DNAAF9: variants seen among roughly 807,000 people sequenced by gnomAD.
DNAAF9 encodes dynein axonemal assembly factor 9.
Under a neutral mutation model 167.0 loss-of-function variants are expected in DNAAF9, and 90 were observed. The ratio of observed to expected loss-of-function variants is 0.54; its 90% CI spans 0.45 to 0.64. The LOEUF is 0.64. DNAAF9 is among the 30% of genes least tolerant of loss of function. The pLI is 0.00. For synonymous variants in DNAAF9, 491 were observed against 508.8 expected, an observed-to-expected ratio of 0.96 and a Z score of 0.47; for missense variants, 1,315 against 1,442.2, an observed-to-expected ratio of 0.91 and a Z score of 1.43.
In DNAAF9 at chr20:3,326,794, G is replaced by A. The variant is rs952079161; in HGVS notation, c.1101-510C>T. 1.5e-4 allele frequency among the ~76,000 whole-genome samples: 23 copies of A among 150,418 alleles called. No homozygotes were observed. In the Admixed American group the frequency reaches 1.5e-3, roughly 10 times the overall value. The stretch of plus-strand genomic sequence containing the variant: ...ATATCCCTGGTTTGACTTATACTTT[G>A]CTTTTGTTAAATCACCTTAAGGAAA... On this transcript the variant is annotated intron_variant, in intron 12 of 36. Transcript: ENST00000252032.
At chr20:3,324,787 G>A (rs2069681097) in intron 14 of DNAAF9, 105 bp downstream of exon 14, 5 of 697,068 alleles carry the variant, frequency 7.2e-6, no homozygotes, top group Non-Finnish European at 1.3e-5. Flanking sequence ...TTATTTTACT[G>A]AAACATTTCT....
chr20:3,349,468 G>A (rs957004662), intron 7 of DNAAF9, among the ~76,000 whole-genome samples: 2 of 152,130 alleles, frequency 1.3e-5, no homozygotes, highest in Non-Finnish European at 2.9e-5. Flanking sequence ...GGCACCTAAA[G>A]GATGGTACCA....
intron 29 of DNAAF9, among the ~76,000 whole-genome samples, chr20:3,276,474 G>C (rs1375073485): frequency 6.6e-6 from 1 of 152,210 alleles, no homozygotes; most frequent in East Asian, 1.9e-4. Context: ...ACAATGAGTT[G>C]GAAGGCAGTA....
At chr20:3,370,654 C>T (rs912079847) in intron 6 of DNAAF9, among the ~76,000 whole-genome samples, 9 of 152,054 alleles carry the variant, frequency 5.9e-5, no homozygotes, top group Admixed American at 5.2e-4. Context: ...ATGATCCACC[C>T]GCCTCAGCCT....
At chr20:3,300,857 CTTAATATCTTTATCAGAT>C (rs2069173078) in intron 21 of DNAAF9, among the ~76,000 whole-genome samples, 1 of 97,910 alleles carries the variant, frequency 1.0e-5, no homozygotes, top group Admixed American at 9.7e-5. Flanking sequence ...GAATTGTTTT[CTTAATATCTTTATCAGAT>C]TGTTCATTGG....
At chr20:3,313,507 G>A (rs2069449494) in intron 20 of DNAAF9, among the ~76,000 whole-genome samples, 1 of 152,228 alleles carries the variant, frequency 6.6e-6, no homozygotes, top group South Asian at 2.1e-4. Flanking sequence ...AATTTGTAGA[G>A]TAAGTCAGAA....
chr20:3,386,698 T>C (rs1262831253), intron 1 of DNAAF9, among the ~76,000 whole-genome samples: 1 of 151,980 alleles, frequency 6.6e-6, no homozygotes, highest in Non-Finnish European at 1.5e-5. Context: ...GGAGAAAATA[T>C]CTGCAAACCA....
chr20:3,310,285 A>G (rs1416698566), intron 20 of DNAAF9, among the ~76,000 whole-genome samples: 1 of 150,212 alleles, frequency 6.7e-6, no homozygotes, highest in Non-Finnish European at 1.5e-5. Context: ...AAGAAAGGAA[A>G]GAAAGAAAAG....
At chr20:3,258,907 T>G (rs765940777) in intron 33 of DNAAF9, among the ~76,000 whole-genome samples, 3 of 152,244 alleles carry the variant, frequency 2.0e-5, no homozygotes, top group African/African-American at 4.8e-5. Flanking sequence ...CTCTGGATTA[T>G]AGCAAATGCT....
intron 25 of DNAAF9, among the ~76,000 whole-genome samples, chr20:3,291,345 GTTT>G (rs1330690178): frequency 7.5e-6 from 1 of 133,592 alleles, no homozygotes. Flanking sequence ...AAGTTTTTTT[GTTT>G]TTTTTTTTTT....
At chr20:3,258,030 A>AAAAAAAAAGAAGAAAAGGAGGTG in intron 33 of DNAAF9, among the ~76,000 whole-genome samples, 1 of 92,892 alleles carries the variant, frequency 1.1e-5, no homozygotes, top group African/African-American at 5.2e-5. Context: ...AGCCTGGCCT[A>AAAAAAAAAGAAGAAAAGGAGGTG]ATTTTTTTTA....
intron 10 of DNAAF9, among the ~76,000 whole-genome samples, chr20:3,332,897 T>TGGGGG (rs776497912): frequency 7.6e-6 from 1 of 131,598 alleles, no homozygotes; most frequent in African/African-American, 2.8e-5. Context: ...CGTGTGTGCG[T>TGGGGG]GTGGTGTGTG....
At chr20:3,319,443 C>A (rs190095584) in intron 16 of DNAAF9, among the ~76,000 whole-genome samples, 1 of 151,876 alleles carries the variant, frequency 6.6e-6, no homozygotes, top group Non-Finnish European at 1.5e-5. Flanking sequence ...GAAACAATTC[C>A]GGGAAGAAGC....
intron 1 of DNAAF9, among the ~76,000 whole-genome samples, chr20:3,394,937 A>ATTTTCTT (rs1568647859): frequency 8.8e-5 from 9 of 102,452 alleles, no homozygotes; most frequent in African/African-American, 1.1e-4. Flanking sequence ...TTTACTGAAC[A>ATTTTCTT]TTTTCTTTTT....
chr20:3,251,910 T>C lies in DNAAF9; in HGVS notation c.*662A>G, dbSNP rs1023593777. 1 of 152,438 alleles carries C rather than the reference T, an allele frequency of 6.6e-6. No homozygotes were observed. Among genetic ancestry groups the C allele is most frequent in the East Asian group, 1.9e-4 (1 of 5,200 alleles). The allele number at this position is 152,438 out of a possible 1,614,324, so 9.4% of individuals were successfully genotyped here. A position where few individuals can be genotyped will look rare whatever the true frequency, so the allele number is the denominator to read the frequency against. On this transcript the variant is annotated 3_prime_UTR_variant, in exon 37 of 37. Transcript: ENST00000252032. ...GATGTCAACTTAAGAGCCACACACC[T>C]CTGGAAAGCAACAAGCCTCTCCTTC...
chr20:3,281,858 T>C, intron 27 of DNAAF9, 92 bp from the exon 28 acceptor site: 4 of 1,377,556 alleles, frequency 2.9e-6, no homozygotes, highest in African/African-American at 3.0e-5. Context: ...TGAACAAGGA[T>C]GGAAAGAAAA....
At chr20:3,336,259 T>TTTTTTTTG (rs2069944379) in intron 10 of DNAAF9, among the ~76,000 whole-genome samples, 4 of 38,986 alleles carry the variant, frequency 1.0e-4, no homozygotes, top group South Asian at 1.1e-3. Context: ...TGCGTTTTTG[T>TTTTTTTTG]TTTTTTTTTT....
At chr20:3,264,549 TA>T (rs765666142) in intron 30 of DNAAF9, 25 bp from the exon 31 acceptor site, 1 of 1,091,450 alleles carries the variant, frequency 9.2e-7, no homozygotes, top group East Asian at 2.3e-5. Context: ...AGAAAAGACC[TA>T]GATTAATTAG....
intron 27 of DNAAF9, among the ~76,000 whole-genome samples, chr20:3,285,837 G>C (rs757751979): frequency 3.3e-5 from 5 of 149,786 alleles, no homozygotes; most frequent in Admixed American, 3.3e-4. Context: ...AAAATTACTC[G>C]GGTGTGGTGG....
Sources: allele counts gnomAD v4.1 joint callset (sites outside exome capture counted in the v4.1 genomes callset), GRCh38; gene constraint gnomAD v4.1.1; transcripts MANE v1.5; gene names NCBI Gene and HGNC (gene_info 2026-07-23, HGNC 2026-07-21).